LARGE1: variants seen among roughly 807,000 people sequenced by gnomAD.
LARGE1 encodes the protein LARGE xylosyl- and glucuronyltransferase 1, also known as xylosyl- and glucuronyltransferase LARGE1.
A neutral mutation model predicts 87.6 loss-of-function variants in LARGE1; 43 were observed. The observed-to-expected ratio is 0.49, with a 90% CI of 0.38 to 0.63. The LOEUF (loss-of-function observed/expected upper bound fraction) is 0.63, where lower values mean the gene tolerates loss of function less well. Ranked by LOEUF, LARGE1 falls within the 30% of genes least tolerant of loss-of-function variation. LARGE1 has a pLI of 0.00. For synonymous variants in LARGE1, 434 were observed against 394.6 expected (o/e 1.10, Z -1.18); for missense variants, 802 against 1,000.2 (o/e 0.80, Z 2.67).
At chr22:33,809,542 T>A (rs2086425513) in intron 1 of LARGE1, among the ~76,000 whole-genome samples, 1 of 152,200 alleles carries the variant, frequency 6.6e-6, no homozygotes, top group Non-Finnish European at 1.5e-5. Flanking sequence ...CAGAGAGGTG[T>A]GGGCCTCACA....
chr22:33,336,206 ATTG>A (rs1938423607), intron 10 of LARGE1, among the ~76,000 whole-genome samples: 4 of 152,044 alleles, frequency 2.6e-5, no homozygotes, highest in South Asian at 4.2e-4. Flanking sequence ...GTTTGTTGTT[ATTG>A]TTGTTGTTTT....
At chr22:33,336,557 G>T (rs575631475) in intron 10 of LARGE1, among the ~76,000 whole-genome samples, 1 of 152,110 alleles carries the variant, frequency 6.6e-6, no homozygotes, top group African/African-American at 2.4e-5. Flanking sequence ...CAGAGGTTGA[G>T]TCACTTATCT....
At chr22:33,398,602 G>A (rs988868672) in intron 7 of LARGE1, among the ~76,000 whole-genome samples, 2 of 152,192 alleles carry the variant, frequency 1.3e-5, no homozygotes, top group Non-Finnish European at 2.9e-5. Flanking sequence ...GTGTTCTTAT[G>A]GGTTGAATTA....
chr22:33,221,286 A>G (rs188523047), intron 11 of LARGE1, among the ~76,000 whole-genome samples: 233 of 152,266 alleles, frequency 1.5e-3, no homozygotes, highest in African/African-American at 5.3e-3. Flanking sequence ...AATTACAAAC[A>G]TCGAGGGGAA....
chr22:33,782,895 A>AAG, intron 1 of LARGE1, among the ~76,000 whole-genome samples: 1 of 150,764 alleles, frequency 6.6e-6, no homozygotes, highest in East Asian at 2.0e-4. Context: ...AAAAAAAAAA[A>AAG]AAAAGAGAGA....
chr22:33,779,739 T>C (rs534368454), intron 1 of LARGE1, among the ~76,000 whole-genome samples: 15 of 151,494 alleles, frequency 9.9e-5, no homozygotes, highest in African/African-American at 3.6e-4. Context: ...TGAGCCAAGA[T>C]CGCGCAACTG....
At chr22:33,196,927 T>C (rs980372) in intron 11 of LARGE1, among the ~76,000 whole-genome samples, 34,904 of 152,114 alleles carry the variant, frequency 0.23, 4,233 homozygotes, top group Middle Eastern at 0.35. Context: ...AATACATACA[T>C]ACAACATACT....
intron 6 of LARGE1, among the ~76,000 whole-genome samples, chr22:33,481,150 G>C (rs2069304715): frequency 6.6e-6 from 1 of 150,750 alleles, no homozygotes; most frequent in Non-Finnish European, 1.5e-5. Context: ...ACGCTTTAGT[G>C]ATTTATACTT....
chr22:33,676,590 C>CAAAA (rs34160766), intron 2 of LARGE1, among the ~76,000 whole-genome samples: 39 of 132,164 alleles, frequency 3.0e-4, no homozygotes, highest in African/African-American at 1.1e-3. Flanking sequence ...ACACCACCAA[C>CAAAA]AAAAAAAAAA....
intron 6 of LARGE1, among the ~76,000 whole-genome samples, chr22:33,468,278 T>A (rs943471571): frequency 3.3e-5 from 5 of 152,060 alleles, no homozygotes; most frequent in African/African-American, 1.2e-4. Context: ...ACCCCAGGCA[T>A]CTCAACTAGG....
chr22:33,446,906 G>T (rs1242926456), intron 6 of LARGE1, among the ~76,000 whole-genome samples: 2 of 152,136 alleles, frequency 1.3e-5, no homozygotes, highest in African/African-American at 4.8e-5. Flanking sequence ...GTTTGTTTGT[G>T]TTTTTGAGAC....
rs573902132 is a variant in LARGE1, at chr22:33,389,793, C to T, written c.893-5489G>A. Among the ~76,000 whole-genome samples, 82 of 152,108 alleles carry T rather than the reference C, an allele frequency of 5.4e-4. 1 individual carries two copies. Among genetic ancestry groups the T allele is most frequent in the African/African-American group, 2.0e-3 (81 of 41,502 alleles). On this transcript the variant is annotated intron_variant, in intron 7 of 14. Transcript: ENST00000397394. ...CTGGGAAGCACAGGTTGCAGTGAGC[C>T]GCGACTGCATCACTGTACTCCAGCC... is the stretch of plus-strand genomic sequence containing the variant.
upstream of LARGE1, among the ~76,000 whole-genome samples, chr22:33,921,180 GCTCCGCCCCCCGGCGAGA>G (rs1458433458): frequency 6.6e-6 from 1 of 151,922 alleles, no homozygotes; most frequent in Non-Finnish European, 1.5e-5. This position sits in a 1 kb window ranked among gnomAD's most constrained non-coding sequence, Gnocchi z 4.1. Context: ...CCCCGCACAG[GCTCCGCCCCCCGGCGAGA>G]CTCCGCCCCG....
At chr22:33,552,053 T>C (rs1199696763) in intron 6 of LARGE1, among the ~76,000 whole-genome samples, 1 of 138,470 alleles carries the variant, frequency 7.2e-6, no homozygotes, top group African/African-American at 2.7e-5. Flanking sequence ...TCACGGGTAA[T>C]ACTAAAATGT....
chr22:33,905,865 C>T (rs1310567249), intron 1 of LARGE1, among the ~76,000 whole-genome samples: 2 of 152,176 alleles, frequency 1.3e-5, no homozygotes, highest in African/African-American at 4.8e-5. Context: ...TGCAGTGGCT[C>T]ATACCTGTAA....
chr22:33,821,952 G>GTTT (rs11425081), intron 1 of LARGE1, among the ~76,000 whole-genome samples: 2,629 of 137,650 alleles, frequency 0.019, 88 homozygotes, highest in African/African-American at 0.067. Flanking sequence ...ACTTTTTTAG[G>GTTT]TTTTTTTTTT....
intron 1 of LARGE1, among the ~76,000 whole-genome samples, chr22:33,868,662 T>A (rs568875924): frequency 3.5e-4 from 54 of 152,172 alleles, no homozygotes; most frequent in Non-Finnish European, 5.4e-4. Flanking sequence ...ATCAAAAACA[T>A]TTCTGTGCCT....
intron 10 of LARGE1, among the ~76,000 whole-genome samples, chr22:33,325,979 G>C (rs1053828942): frequency 6.6e-6 from 1 of 152,166 alleles, no homozygotes; most frequent in African/African-American, 2.4e-5. Flanking sequence ...GCTTGTCCCT[G>C]TGGTTTCCAC....
chr22:33,635,669 T>C (rs544788715), intron 3 of LARGE1, among the ~76,000 whole-genome samples: 20 of 152,266 alleles, frequency 1.3e-4, no homozygotes, highest in African/African-American at 4.6e-4. Flanking sequence ...GCTCAGCTAG[T>C]CTGTGACAAA....
Sources: gnomAD v4.1 joint callset for allele counts (sites outside exome capture counted in the v4.1 genomes callset) on GRCh38, gnomAD v4.1.1 for gene constraint, Gnocchi (gnomAD v3.1) non-coding constraint, MANE v1.5 for transcripts, NCBI Gene and HGNC (gene_info 2026-07-23, HGNC 2026-07-21) for gene names.